Variants in ADAM10 observed in about 807,000 individuals in gnomAD.
ADAM10 encodes ADAM metallopeptidase domain 10, also known as disintegrin and metalloproteinase domain-containing protein 10.
Under a neutral mutation model 90.1 loss-of-function variants are expected in ADAM10, and 17 were observed. The observed-to-expected ratio is 0.19, with a 90% CI of 0.13 to 0.28. ADAM10 has a LOEUF of 0.28. Among genes scored for constraint, ADAM10 ranks in the 10% least tolerant of loss-of-function variants. ADAM10 has a pLI of 1.00. For missense variants in ADAM10, 610 were observed against 914.3 expected, an observed-to-expected ratio of 0.67 and a Z score of 4.29; for synonymous variants, 310 against 298.6, an observed-to-expected ratio of 1.04 and a Z score of -0.40.
chr15:58,637,150 G>A (rs1047884557), intron 8 of ADAM10, among the ~76,000 whole-genome samples: 5 of 152,230 alleles, frequency 3.3e-5, no homozygotes, highest in South Asian at 2.1e-4. Context: ...AGTTCTGTAC[G>A]CTCTCAAATT....
chr15:58,634,184 A>T (rs1330722627), intron 8 of ADAM10, among the ~76,000 whole-genome samples: 1 of 151,638 alleles, frequency 6.6e-6, no homozygotes, highest in African/African-American at 2.4e-5. Context: ...GGTGGTGCAC[A>T]CCTGTAATCC....
In ADAM10 at chr15:58,589,159, G is replaced by A. The variant is rs552109944; in HGVS notation, c.*8388C>T. The A allele has an allele frequency of 6.6e-6, 1 of 152,232 alleles. No homozygotes were observed. Among genetic ancestry groups the A allele is most frequent in the South Asian group, 2.1e-4 (1 of 4,820 alleles). The allele number at this position is 152,232 out of a possible 1,614,324, so 9.4% of individuals were successfully genotyped here. A position where few individuals can be genotyped will look rare whatever the true frequency, so the allele number is the denominator to read the frequency against. Reference sequence around the variant, plus strand: ...GCACACAACAAAACAAATGTTTATTGAACACCTACTATAGCCAAGCTCAAG... The same window carrying A: ...GCACACAACAAAACAAATGTTTATTAAACACCTACTATAGCCAAGCTCAAG... On this transcript the variant is annotated 3_prime_UTR_variant, in exon 16 of 16. Coordinates refer to ENST00000260408, the MANE Select transcript of ADAM10 (RefSeq NM_001110.4).
At chr15:58,669,364 C>T (rs1045025507) in intron 4 of ADAM10, among the ~76,000 whole-genome samples, 5 of 152,210 alleles carry the variant, frequency 3.3e-5, no homozygotes, top group Non-Finnish European at 4.4e-5. Flanking sequence ...ACCAGTAAAC[C>T]ACTGGATTCA....
intron 1 of ADAM10, among the ~76,000 whole-genome samples, chr15:58,731,061 G>A (rs1301627487): frequency 6.6e-6 from 1 of 152,094 alleles, no homozygotes; most frequent in African/African-American, 2.4e-5. Flanking sequence ...CCTCTCTCAT[G>A]TATCTATCTG....
chr15:58,661,516 C>T (rs2140723637), intron 5 of ADAM10, among the ~76,000 whole-genome samples: 1 of 151,740 alleles, frequency 6.6e-6, no homozygotes, highest in East Asian at 2.0e-4. Context: ...ACCAGTTATA[C>T]TTATCTTTGT....
intron 6 of ADAM10, 49 bp from the exon 7 acceptor site, chr15:58,644,027 A>G: frequency 7.3e-7 from 1 of 1,371,312 alleles, no homozygotes; most frequent in Non-Finnish European, 1.0e-6. Context: ...GAAATATGAA[A>G]AAGATTATAA....
intron 11 of ADAM10, among the ~76,000 whole-genome samples, chr15:58,619,826 C>A (rs933697793): frequency 1.3e-5 from 2 of 151,950 alleles, no homozygotes; most frequent in Non-Finnish European, 2.9e-5. Flanking sequence ...ATGGCGTGAA[C>A]CCGGGAGGCG....
chr15:58,621,584 T>C lies in ADAM10; in HGVS notation c.1398A>G (p.Glu466=). 3 of 1,614,144 alleles carry C rather than the reference T, an allele frequency of 1.9e-6. No homozygotes were observed. Among genetic ancestry groups the C allele is most frequent in the Non-Finnish European group, 1.7e-6 (2 of 1,180,014 alleles). Residue 466 remains glutamate (E), a synonymous_variant, in exon 11 of 16, where the codon GAA becomes GAG. Transcript: ENST00000260408. ...GQPICGNGMV[E]QGEECDCGYS... The stretch of plus-strand genomic sequence containing the variant: ...AGCCACAATCACATTCTTCACCTTG[T>C]TCTACCATTCCATTTCCACAAATAG...
At chr15:58,644,851 C>CT (rs1270820881) in intron 6 of ADAM10, among the ~76,000 whole-genome samples, 1 of 152,288 alleles carries the variant, frequency 6.6e-6, no homozygotes, top group African/African-American at 2.4e-5. Context: ...CAGAGGCTTA[C>CT]TTTAGTAGCG....
intron 4 of ADAM10, among the ~76,000 whole-genome samples, chr15:58,670,911 ATTAGC>A (rs1220811435): frequency 3.3e-5 from 5 of 152,312 alleles, no homozygotes; most frequent in Non-Finnish European, 7.4e-5. Flanking sequence ...GATAAGAGAT[ATTAGC>A]ACCATGATCT....
chr15:58,749,447 G>C (rs1432299804), intron 1 of ADAM10, 33 bp downstream of exon 1: 3 of 1,520,992 alleles, frequency 2.0e-6, no homozygotes, highest in Middle Eastern at 1.8e-4. Context: ...CGCCGTGGTC[G>C]CGGCGCCCCC....
chr15:58,719,340 T>A (rs1206416346), intron 1 of ADAM10, among the ~76,000 whole-genome samples: 1 of 150,754 alleles, frequency 6.6e-6, no homozygotes, highest in Non-Finnish European at 1.5e-5. Context: ...AAAAAAAAAA[T>A]TGTCTTTCTG....
At chr15:58,599,750 G>GA (rs35772938) in intron 14 of ADAM10, 26 bp from the exon 15 acceptor site, 80,048 of 1,323,270 alleles carry the variant, frequency 0.06, 1 homozygote, top group Non-Finnish European at 0.071. Flanking sequence ...TTTTTCCACT[G>GA]AAAAAAAAAA....
In ADAM10 at chr15:58,749,702, G is replaced by T. The variant is rs202016687; in HGVS notation, c.-168C>A. ...TCCCTCTCGCTCCACTTCAGGGGCCGGCAACGCTCCTAGCTCCTCCAAAAC... is the reference window on the plus strand; with the variant it reads ...TCCCTCTCGCTCCACTTCAGGGGCCTGCAACGCTCCTAGCTCCTCCAAAAC... On this transcript the variant is annotated 5_prime_UTR_variant, in exon 1 of 16. Coordinates refer to ENST00000260408, the MANE Select transcript of ADAM10 (RefSeq NM_001110.4). 21 of 1,424,210 alleles carry T rather than the reference G, an allele frequency of 1.5e-5. No homozygotes were observed. Among genetic ancestry groups the T allele is most frequent in the Non-Finnish European group, 1.9e-5 (21 of 1,078,152 alleles). The allele number at this position is 1,424,210 out of a possible 1,614,324, so 88.2% of individuals were successfully genotyped here.
Position 58,597,197 on chromosome 15 carries a change from G to T in ADAM10, c.*350C>A. 1.6e-6 allele frequency: 1 copy of T among 610,744 alleles called. No homozygotes were observed. Among genetic ancestry groups the T allele is most frequent in the Non-Finnish European group, 2.8e-6 (1 of 359,204 alleles). 37.8% of individuals were successfully genotyped at this position (610,744 alleles called of 1,614,324 possible). ...GAAAAAAATATATTTATTTCAATTT[G>T]TGGTAAAAGTTTATTGAGAGCCAAG... On this transcript the variant is annotated 3_prime_UTR_variant, in exon 16 of 16. Transcript: ENST00000260408.
chr15:58,700,129 T>C (rs1898089709), intron 2 of ADAM10, among the ~76,000 whole-genome samples: 1 of 152,188 alleles, frequency 6.6e-6, no homozygotes, highest in Admixed American at 6.5e-5. Context: ...AGATATCAAC[T>C]GCAATACCAT....
chr15:58,601,533 G>C (rs1157619682), intron 14 of ADAM10, among the ~76,000 whole-genome samples: 2 of 152,098 alleles, frequency 1.3e-5, no homozygotes, highest in Non-Finnish European at 2.9e-5. Context: ...TAAGTTGCTA[G>C]CACCATGCTG....
intron 2 of ADAM10, among the ~76,000 whole-genome samples, chr15:58,713,803 T>C (rs1362023752): frequency 2.0e-5 from 3 of 151,888 alleles, no homozygotes; most frequent in East Asian, 1.9e-4. Flanking sequence ...CAGCTTTTCA[T>C]AGAATTCTTT....
At position 58,597,268 on chromosome 15, in the gene ADAM10, C is replaced by T. The variant is rs201001402; in HGVS notation, c.*279G>A. The T allele has an allele frequency of 2.1e-5, 22 of 1,054,766 alleles. No homozygotes were observed. Among genetic ancestry groups the T allele is most frequent in the South Asian group, 1.6e-4 (9 of 58,058 alleles). The allele number at this position is 1,054,766 out of a possible 1,614,324, so 65.3% of individuals were successfully genotyped here. ...ATGCAGCAACGAAGAACAGGGAACA[C>T]GGGGCACATAATAATATTCTAAGAC... is the stretch of plus-strand genomic sequence containing the variant. On this transcript the variant is annotated 3_prime_UTR_variant, in exon 16 of 16. Coordinates refer to ENST00000260408, the MANE Select transcript of ADAM10 (RefSeq NM_001110.4).
Sources: gnomAD v4.1 joint callset for allele counts (sites outside exome capture counted in the v4.1 genomes callset) on GRCh38, gnomAD v4.1.1 for gene constraint, MANE v1.5 for transcripts, NCBI Gene and HGNC (gene_info 2026-07-23, HGNC 2026-07-21) for gene names.